RTN1: variants seen among roughly 807,000 people sequenced by gnomAD.
The protein encoded by RTN1 is reticulon-1.
In RTN1, 25 loss-of-function variants were observed where a neutral mutation model predicts 65.5. The observed-to-expected ratio is 0.38, with a 90% CI of 0.28 to 0.53. The LOEUF (loss-of-function observed/expected upper bound fraction) is 0.53, where lower values mean the gene tolerates loss of function less well. Ranked by LOEUF, RTN1 falls within the 20% of genes least tolerant of loss-of-function variation. The pLI is 0.79. For synonymous variants in RTN1, 471 were observed against 447.6 expected (o/e 1.05, Z -0.66); for missense variants, 983 against 1,025.4 (o/e 0.96, Z 0.57).
chr14:59,845,936 G>A (rs781755085), intron 1 of RTN1, among the ~76,000 whole-genome samples: 7 of 152,112 alleles, frequency 4.6e-5, no homozygotes, highest in South Asian at 2.1e-4. Flanking sequence ...CTAAATTCCA[G>A]CATCATACAT....
chr14:59,866,484 G>A (rs74061334), intron 1 of RTN1, among the ~76,000 whole-genome samples: 8 of 152,198 alleles, frequency 5.3e-5, no homozygotes, highest in African/African-American at 1.9e-4. Context: ...TGAAGGGAAA[G>A]TTAACCTGAA....
chr14:59,657,310 G>A (rs933160302), intron 3 of RTN1, among the ~76,000 whole-genome samples: 3 of 152,190 alleles, frequency 2.0e-5, no homozygotes, highest in Non-Finnish European at 2.9e-5. Context: ...TGGGGAAGCC[G>A]AGGCAGGAGA....
Position 59,853,631 on chromosome 14 carries a change from A to T in RTN1, c.241+16759T>A, listed in dbSNP as rs372327713. Among the ~76,000 whole-genome samples the T allele has an allele frequency of 1.1e-4, 17 of 152,096 alleles. No individual in the cohort carries two copies. In the East Asian group the frequency reaches 1.2e-3, roughly 10 times the overall value. ...CTTAAGGGTTGAAACAAGTATTCCCAGCTCTCTCCTACTTGTTTTGGGCAT... is the reference window on the plus strand; with the variant it reads ...CTTAAGGGTTGAAACAAGTATTCCCTGCTCTCTCCTACTTGTTTTGGGCAT... On this transcript the variant is annotated intron_variant, in intron 1 of 8. Coordinates refer to ENST00000267484, the MANE Select transcript of RTN1 (RefSeq NM_021136.3).
intron 3 of RTN1, among the ~76,000 whole-genome samples, chr14:59,622,171 A>C (rs1882272615): frequency 6.6e-6 from 1 of 152,136 alleles, no homozygotes; most frequent in Non-Finnish European, 1.5e-5. Flanking sequence ...CCCTGTGTCT[A>C]CTAAAAATAC....
At chr14:59,651,769 A>C (rs1157208852) in intron 3 of RTN1, among the ~76,000 whole-genome samples, 1 of 152,016 alleles carries the variant, frequency 6.6e-6, no homozygotes, top group East Asian at 1.9e-4. Context: ...CCCCCAAAAA[A>C]ACCCAACATA....
chr14:59,684,961 A>T (rs140456580), intron 3 of RTN1, among the ~76,000 whole-genome samples: 7 of 152,188 alleles, frequency 4.6e-5, no homozygotes, highest in Admixed American at 4.6e-4. Context: ...TGAAAATTTT[A>T]AAAAGTAACT....
At position 59,803,242 on chromosome 14, in the gene RTN1, G is replaced by A. The variant is rs1321824123; in HGVS notation, c.242-56761C>T. Among the ~76,000 whole-genome samples, 2 of 152,142 alleles carry A rather than the reference G, an allele frequency of 1.3e-5. No individual in the cohort carries two copies. The highest frequency in any genetic ancestry group is 1.9e-4 in the East Asian group (1 of 5,192). On this transcript the variant is annotated intron_variant, in intron 1 of 8. Transcript: ENST00000267484. The surrounding 1 kb of genome is among the most constrained non-coding windows in gnomAD (Gnocchi z 5.6). ...GAGAGTTGGTTCCGTACACAACACC[G>A]AGCTGCGTATGACTTGCCCTGACTC...
intron 1 of RTN1, among the ~76,000 whole-genome samples, chr14:59,812,266 G>C (rs572494567): frequency 1.3e-5 from 2 of 152,192 alleles, no homozygotes; most frequent in Non-Finnish European, 2.9e-5. Context: ...GGGAAAATGA[G>C]GGTAAAAGAC....
intron 3 of RTN1, among the ~76,000 whole-genome samples, chr14:59,665,611 TG>T (rs1883352486): frequency 6.6e-6 from 1 of 152,136 alleles, no homozygotes; most frequent in South Asian, 2.1e-4. Context: ...TAAATGTAAA[TG>T]GGCTAAATGC....
chr14:59,622,810 T>A (rs1248369882), intron 3 of RTN1, among the ~76,000 whole-genome samples: 2 of 152,208 alleles, frequency 1.3e-5, no homozygotes, highest in Non-Finnish European at 2.9e-5. Context: ...CATGGTAATC[T>A]AGGAGCCCTG....
chr14:59,848,188 A>G (rs1391703473), intron 1 of RTN1, among the ~76,000 whole-genome samples: 1 of 152,220 alleles, frequency 6.6e-6, no homozygotes, highest in African/African-American at 2.4e-5. Flanking sequence ...GTAGGATCTA[A>G]CTTGTAATGG....
rs561565008 is a variant in RTN1, at chr14:59,780,549, T to C, written c.242-34068A>G. Among the ~76,000 whole-genome samples, 7 of 152,298 alleles carry C rather than the reference T, an allele frequency of 4.6e-5. No homozygotes were observed. The South Asian group carries it at 1.5e-3, about 32-fold the overall frequency. ...CAAACTCAAGAAAAAATATGGAGCATAATCATTTTAAGTGAATTAAGAAGC... is the reference window on the plus strand; with the variant it reads ...CAAACTCAAGAAAAAATATGGAGCACAATCATTTTAAGTGAATTAAGAAGC... On this transcript the variant is annotated intron_variant, in intron 1 of 8. Coordinates refer to ENST00000267484, the MANE Select transcript of RTN1 (RefSeq NM_021136.3).
intron 3 of RTN1, among the ~76,000 whole-genome samples, chr14:59,709,323 A>G (rs1884365522): frequency 6.6e-6 from 1 of 152,236 alleles, no homozygotes; most frequent in Non-Finnish European, 1.5e-5. Flanking sequence ...GCATCTTTGC[A>G]TAATAATCTA....
At position 59,825,990 on chromosome 14, in the gene RTN1, T is replaced by C. The variant is rs1055190417; in HGVS notation, c.241+44400A>G. On this transcript the variant is annotated intron_variant, in intron 1 of 8. Transcript: ENST00000267484. The surrounding 1 kb of genome is among the most constrained non-coding windows in gnomAD (Gnocchi z 4.2). ...GGCTTTCCTATTTGCACTTGTGTGT[T>C]TTGCACTATTAAATATATCATAGAA... Among the ~76,000 whole-genome samples the C allele has an allele frequency of 6.6e-6, 1 of 152,162 alleles. No individual in the cohort carries two copies. The highest frequency in any genetic ancestry group is 2.4e-5 in the African/African-American group (1 of 41,450).
intron 3 of RTN1, among the ~76,000 whole-genome samples, chr14:59,643,097 G>C (rs1054160060): frequency 6.6e-6 from 1 of 152,134 alleles, no homozygotes; most frequent in Admixed American, 6.5e-5. Context: ...ATAAGCCTCT[G>C]GCTAGTCTAA....
intron 1 of RTN1, among the ~76,000 whole-genome samples, chr14:59,755,441 G>C (rs1885619365): frequency 6.6e-6 from 1 of 152,136 alleles, no homozygotes; most frequent in African/African-American, 2.4e-5. Context: ...TTAAAAGCCA[G>C]AATCAATGAC....
intron 1 of RTN1, among the ~76,000 whole-genome samples, chr14:59,769,486 G>A (rs1885913167): frequency 6.6e-6 from 1 of 152,100 alleles, no homozygotes; most frequent in South Asian, 2.1e-4. Flanking sequence ...TAGAATTCCA[G>A]AATAAATCCT....
chr14:59,781,631 T>G (rs373743577), intron 1 of RTN1, among the ~76,000 whole-genome samples: 2 of 152,122 alleles, frequency 1.3e-5, no homozygotes, highest in East Asian at 3.9e-4. Context: ...TCCTTCCAAG[T>G]AATCATGAAT....
chr14:59,799,117 C>T (rs1436493989), intron 1 of RTN1, among the ~76,000 whole-genome samples: 1 of 152,070 alleles, frequency 6.6e-6, no homozygotes, highest in Non-Finnish European at 1.5e-5. Flanking sequence ...ACGTGATTCG[C>T]TACATGCAAG....
Sources: allele counts gnomAD v4.1 joint callset (sites outside exome capture counted in the v4.1 genomes callset), GRCh38; gene constraint gnomAD v4.1.1; non-coding constraint Gnocchi (gnomAD v3.1); transcripts MANE v1.5; gene names NCBI Gene and HGNC (gene_info 2026-07-23, HGNC 2026-07-21).